MEGF8: variants seen among roughly 807,000 people sequenced by gnomAD.
The protein encoded by MEGF8 is multiple EGF like domains 8, also known as multiple epidermal growth factor-like domains protein 8.
In MEGF8, 156 loss-of-function variants were observed where a neutral mutation model predicts 302.9. The ratio of observed to expected loss-of-function variants is 0.52; its 90% CI spans 0.45 to 0.59. MEGF8 has a LOEUF of 0.59. Ranked by LOEUF, MEGF8 falls within the 20% of genes least tolerant of loss-of-function variation. The probability of loss-of-function intolerance (pLI) is 0.00; values close to 1 mark genes in which losing one functional copy is unlikely to be tolerated. For synonymous variants in MEGF8, 1,621 were observed against 1,660.5 expected (o/e 0.98, Z 0.58); for missense variants, 3,345 against 3,964.5 (o/e 0.84, Z 4.20).
At position 42,369,586 on chromosome 19, in the gene MEGF8, G is replaced by A; in HGVS notation, c.6697G>A (p.Val2233Met). Residue 2233 changes from valine (V) to methionine (M), a missense_variant, in exon 38 of 42, where the codon GTG becomes ATG. Physicochemically the swap from Val to Met is conservative, Grantham distance 21 (BLOSUM62 1). Transcript: ENST00000251268. The surrounding 1 kb of genome is among the most constrained non-coding windows in gnomAD (Gnocchi z 5.7). ...CAQGCVNGSC[V>M]EPDHCRCHFG... Reference sequence around the variant, plus strand: ...CCAGGGCTGCGTGAACGGCTCATGTGTGGAGCCCGACCACTGCCGCTGCCA... The same window carrying A: ...CCAGGGCTGCGTGAACGGCTCATGTATGGAGCCCGACCACTGCCGCTGCCA... 6.2e-7 allele frequency: 1 copy of A among 1,612,342 alleles called. No individual in the cohort carries two copies. Among genetic ancestry groups the A allele is most frequent in the Non-Finnish European group, 8.5e-7 (1 of 1,179,796 alleles).
At position 42,353,916 on chromosome 19, in the gene MEGF8, C is replaced by T. The variant is rs766685400; in HGVS notation, c.3903C>T (p.Tyr1301=). 1.0e-5 allele frequency: 16 copies of T among 1,591,580 alleles called. No homozygotes were observed. The highest frequency in any genetic ancestry group is 1.4e-5 in the Non-Finnish European group (16 of 1,169,262). ...CAAGAGCCGGGCCTGGCCTGTCCTA[C>T]TGTGTGTGGGTTGTCTCGGCCACTG... ...GAARAGPGLS[Y]CVWVVSATEE... The change falls in exon 22 of 42, where the codon TAC becomes TAT. Residue 1301 remains tyrosine, a synonymous_variant. Transcript: ENST00000251268. This position sits in a 1 kb window ranked among gnomAD's most constrained non-coding sequence, Gnocchi z 6.1.
In MEGF8 at chr19:42,326,034, C is replaced by A; in HGVS notation, c.-210C>A. Reference sequence around the variant, plus strand: ...TGACTCCATATACAGGGCCTTCCATCGCTCTATAGGGCTCAGCCCTCGGCT... The same window carrying A: ...TGACTCCATATACAGGGCCTTCCATAGCTCTATAGGGCTCAGCCCTCGGCT... On this transcript the variant is annotated 5_prime_UTR_variant, in exon 1 of 42. Coordinates refer to ENST00000251268, the MANE Select transcript of MEGF8 (RefSeq NM_001271938.2). 1.4e-6 allele frequency: 1 copy of A among 738,220 alleles called. No homozygotes were observed. Among genetic ancestry groups the A allele is most frequent in the Non-Finnish European group, 2.0e-6 (1 of 509,200 alleles). 45.7% of individuals were successfully genotyped at this position (738,220 alleles called of 1,614,324 possible). A position where few individuals can be genotyped will look rare whatever the true frequency, so the allele number is the denominator to read the frequency against.
rs749183655 is a variant in MEGF8 at position 42,375,907 on chromosome 19, G to A, written c.7670G>A (p.Gly2557Glu). Residue 2557 changes from glycine to glutamate, a missense_variant, in exon 42 of 42, where the codon GGG (glycine) becomes GAG (glutamate). Transcript: ENST00000251268. The surrounding 1 kb of genome is among the most constrained non-coding windows in gnomAD (Gnocchi z 7.1). ...GDPGGAGASS[G>E]PGAPAEPRVR... is the part of the protein sequence containing the mutation. The stretch of plus-strand genomic sequence containing the variant: ...CCAGGAGGAGCAGGGGCCAGCAGTG[G>A]GCCGGGCGCCCCAGCAGAGCCACGG... The A allele has an allele frequency of 5.0e-6, 8 of 1,600,084 alleles. No homozygotes were observed. Among genetic ancestry groups the A allele is most frequent in the Middle Eastern group, 1.7e-4 (1 of 6,002 alleles).
In MEGF8 at chr19:42,360,781, C is replaced by T; in HGVS notation, c.5495C>T (p.Ala1832Val). 1 of 1,584,580 alleles carries T rather than the reference C, an allele frequency of 6.3e-7. No individual in the cohort carries two copies. The highest frequency in any genetic ancestry group is 1.3e-5 in the African/African-American group (1 of 74,486). ...AWLLPDLTRS[A>V]SVGPPMEESV... is the part of the protein sequence containing the mutation. The stretch of plus-strand genomic sequence containing the variant: ...ATACACCATCTTTCCTCAGGCTCGG[C>T]CTCTGTGGGGCCCCCAATGGAGGAG... Residue 1832 changes from alanine to valine, a missense_variant, in exon 32 of 42, where the codon GCC (alanine) becomes GTC (valine). By Grantham distance (64) the Ala-to-Val change is moderately conservative. Transcript: ENST00000251268.
chr19:42,376,417 G>A lies in MEGF8; in HGVS notation c.8180G>A (p.Arg2727His), dbSNP rs759523264. The A allele has an allele frequency of 1.4e-5, 23 of 1,612,350 alleles. No individual in the cohort carries two copies. Among genetic ancestry groups the A allele is most frequent in the African/African-American group, 2.7e-5 (2 of 74,908 alleles). The part of the protein sequence containing the change: ...PAGLPPPAFR[R>H]SEPFLAPLLL... ...GGGCTCCCACCTCCCGCCTTCCGCC[G>A]CTCTGAGCCCTTCCTGGCACCCCTG... The change falls in exon 42 of 42, where the codon CGC becomes CAC. Residue 2727 changes from arginine (R) to histidine (H), a missense_variant. Arg to His is a conservative substitution (Grantham distance 29). Coordinates refer to ENST00000251268, the MANE Select transcript of MEGF8 (RefSeq NM_001271938.2). The surrounding 1 kb of genome is among the most constrained non-coding windows in gnomAD (Gnocchi z 8.2).
rs752612030 is a variant in MEGF8 at position 42,358,991 on chromosome 19, TA to T, written c.5343+38del. 3.0e-5 allele frequency: 47 copies of T among 1,588,346 alleles called. No homozygotes were observed. The highest frequency in any genetic ancestry group is 3.9e-5 in the Non-Finnish European group (45 of 1,168,314). The stretch of plus-strand genomic sequence containing the variant: ...AGAGGGTTAGGATTGGGTGGGCTGG[TA>T]GGGGGGGATAGGTAGGGAAGTACAG... On this transcript the variant is annotated intron_variant, in intron 30 of 41. Coordinates refer to ENST00000251268, the MANE Select transcript of MEGF8 (RefSeq NM_001271938.2). The surrounding 1 kb of genome is among the most constrained non-coding windows in gnomAD (Gnocchi z 4.4).
At chr19:42,366,270 G>A (rs1303938093) in intron 35 of MEGF8, among the ~76,000 whole-genome samples, 6 of 151,914 alleles carry the variant, frequency 3.9e-5, no homozygotes, top group East Asian at 1.9e-4. Flanking sequence ...GCATGATCTC[G>A]GCTCACTGCA....
rs1359429535 is a variant in MEGF8, at chr19:42,348,342, G to A, written c.2168G>A (p.Arg723His). ...SAETDVSLVY[R>H]GFIYPMLPGG... ...GAGACAGATGTGTCCCTGGTCTACCGTGGCTTCATCTACCCAATGCTGCCT... is the reference window on the plus strand; with the variant it reads ...GAGACAGATGTGTCCCTGGTCTACCATGGCTTCATCTACCCAATGCTGCCT... The change falls in exon 13 of 42, where the codon CGT becomes CAT. Residue 723 changes from arginine to histidine, a missense_variant. Arg to His is a conservative substitution (Grantham distance 29). Coordinates refer to ENST00000251268, the MANE Select transcript of MEGF8 (RefSeq NM_001271938.2). 3 of 1,537,390 alleles carry A rather than the reference G, an allele frequency of 2.0e-6. No homozygotes were observed. The highest frequency in any genetic ancestry group is 2.0e-5 in the Admixed American group (1 of 50,988).
At chr19:42,347,166 C>G (rs1053296895) in intron 12 of MEGF8, among the ~76,000 whole-genome samples, 1 of 151,996 alleles carries the variant, frequency 6.6e-6, no homozygotes, top group Non-Finnish European at 1.5e-5. Flanking sequence ...TGATCTTATT[C>G]CAGAATTTAC....
At chr19:42,346,984 CAAAAAA>C (rs767117534) in intron 12 of MEGF8, among the ~76,000 whole-genome samples, 1 of 49,818 alleles carries the variant, frequency 2.0e-5, no homozygotes, top group Non-Finnish European at 4.2e-5. Context: ...GACTCTGTCT[CAAAAAA>C]AAAAAAAAAA....
rs779934071 is a variant in MEGF8 at position 42,375,616 on chromosome 19, A to G, written c.7379A>G (p.Asn2460Ser). The G allele has an allele frequency of 1.9e-6, 3 of 1,606,934 alleles. No homozygotes were observed. Among genetic ancestry groups the G allele is most frequent in the Non-Finnish European group, 1.7e-6 (2 of 1,177,468 alleles). Residue 2460 changes from asparagine to serine, a missense_variant, in exon 42 of 42, where the codon AAC becomes AGC. Coordinates refer to ENST00000251268, the MANE Select transcript of MEGF8 (RefSeq NM_001271938.2). The surrounding 1 kb of genome is among the most constrained non-coding windows in gnomAD (Gnocchi z 7.1). ...TGCCTGGACCCCACGTCCCAGACCA[A>G]CTGCTTCCATGAGCCCAAACGCCGG... ...ECCLDPTSQT[N>S]CFHEPKRRAL...
intron 12 of MEGF8, among the ~76,000 whole-genome samples, chr19:42,345,474 A>G (rs1366343356): frequency 6.6e-6 from 1 of 152,174 alleles, no homozygotes; most frequent in Non-Finnish European, 1.5e-5. Context: ...CCTGGCAGCT[A>G]CTAATCTGTT....
At chr19:42,340,141 C>G (rs2039191741) in intron 8 of MEGF8, among the ~76,000 whole-genome samples, 1 of 152,156 alleles carries the variant, frequency 6.6e-6, no homozygotes, top group African/African-American at 2.4e-5. Context: ...ACACGTAATG[C>G]CATTGGATAG....
Position 42,356,712 on chromosome 19 carries a change from G to C in MEGF8, c.4623-62G>C, listed in dbSNP as rs182507342. The stretch of plus-strand genomic sequence containing the variant: ...GGATGCGGGGACATCTGTCAGGCAG[G>C]GTCACCTTGAAGGATGCTGGGATGA... On this transcript the variant is annotated intron_variant, in intron 26 of 41. Transcript: ENST00000251268. The surrounding 1 kb of genome is among the most constrained non-coding windows in gnomAD (Gnocchi z 5.2). 6.8e-7 allele frequency: 1 copy of C among 1,474,306 alleles called. No homozygotes were observed. Among genetic ancestry groups the C allele is most frequent in the Non-Finnish European group, 9.1e-7 (1 of 1,097,130 alleles). The allele number at this position is 1,474,306 out of a possible 1,614,324, so 91.3% of individuals were successfully genotyped here. A position where few individuals can be genotyped will look rare whatever the true frequency, so the allele number is the denominator to read the frequency against.
In MEGF8 at chr19:42,369,918, G is replaced by A. The variant is rs1038189220; in HGVS notation, c.6834+195G>A. 6.6e-6 allele frequency among the ~76,000 whole-genome samples: 1 copy of A among 152,220 alleles called. No individual in the cohort carries two copies. Among genetic ancestry groups the A allele is most frequent in the African/African-American group, 2.4e-5 (1 of 41,450 alleles). On this transcript the variant is annotated intron_variant, in intron 38 of 41. Coordinates refer to ENST00000251268, the MANE Select transcript of MEGF8 (RefSeq NM_001271938.2). This position sits in a 1 kb window ranked among gnomAD's most constrained non-coding sequence, Gnocchi z 5.7. ...GTTTGGATCCCAGAGGGTCTGCCCT[G>A]GAATAGTGGACGGAGTGGGTGCTGC...
chr19:42,369,518 T>G lies in MEGF8; in HGVS notation c.6642-13T>G, dbSNP rs1226176237. On this transcript the variant is annotated splice_polypyrimidine_tract_variant and intron_variant, in intron 37 of 41. Coordinates refer to ENST00000251268, the MANE Select transcript of MEGF8 (RefSeq NM_001271938.2). The surrounding 1 kb of genome is among the most constrained non-coding windows in gnomAD (Gnocchi z 5.7). ...GGTGGCCACCTGCCCTGACCCCCAC[T>G]TTGCCCCTGCAGCATGACAGGGCTG... The G allele has an allele frequency of 3.1e-6, 5 of 1,599,100 alleles. No homozygotes were observed. The highest frequency in any genetic ancestry group is 4.3e-6 in the Non-Finnish European group (5 of 1,174,702).
Position 42,336,101 on chromosome 19 carries a change from C to A in MEGF8, c.999C>A (p.Gly333=). Residue 333 remains glycine, a synonymous_variant, in exon 6 of 42, where the codon GGC becomes GGA. Transcript: ENST00000251268. The surrounding 1 kb of genome is among the most constrained non-coding windows in gnomAD (Gnocchi z 4.8). ...PPASSSSGPP[G]LAGHAAALVD... Reference sequence around the variant, plus strand: ...CCTCCAGCTCCTCGGGGCCCCCAGGCCTGGCAGGTCACGCGGCTGCCCTGG... The same window carrying A: ...CCTCCAGCTCCTCGGGGCCCCCAGGACTGGCAGGTCACGCGGCTGCCCTGG... The A allele has an allele frequency of 1.2e-6, 2 of 1,604,876 alleles. No homozygotes were observed. The highest frequency in any genetic ancestry group is 1.7e-6 in the Non-Finnish European group (2 of 1,178,118).
At position 42,362,159 on chromosome 19, in the gene MEGF8, C is replaced by T; in HGVS notation, c.5790C>T (p.Thr1930=). 1 of 1,611,582 alleles carries T rather than the reference C, an allele frequency of 6.2e-7. No homozygotes were observed. The highest frequency in any genetic ancestry group is 1.7e-5 in the Admixed American group (1 of 59,672). ...CGGAGGAATGTCGACGTCTCCGGACCTGCAGTGAGTGCCTGGCCCGCCATC... is the reference window on the plus strand; with the variant it reads ...CGGAGGAATGTCGACGTCTCCGGACTTGCAGTGAGTGCCTGGCCCGCCATC... ...RSPEECRRLR[T]CSECLARHPR... The change falls in exon 33 of 42, where the codon ACC becomes ACT. Residue 1930 remains threonine, a synonymous_variant. Transcript: ENST00000251268.
chr19:42,375,541 C>T lies in MEGF8; in HGVS notation c.7304C>T (p.Pro2435Leu), dbSNP rs769146702. Residue 2435 changes from proline (P) to leucine (L), a missense_variant, in exon 42 of 42, where the codon CCG (proline) becomes CTG (leucine). Pro to Leu is a moderately conservative substitution (Grantham distance 98). Coordinates refer to ENST00000251268, the MANE Select transcript of MEGF8 (RefSeq NM_001271938.2). The surrounding 1 kb of genome is among the most constrained non-coding windows in gnomAD (Gnocchi z 7.1). Reference sequence around the variant, plus strand: ...TGCCGGGAATCATTTCACGGGAGTCCGCTGGGCGGCCAGCAGTGCTACCGC... The same window carrying T: ...TGCCGGGAATCATTTCACGGGAGTCTGCTGGGCGGCCAGCAGTGCTACCGC... ...AKCRESFHGSPLGGQQCYRLI... is the reference protein window; with the variant it reads ...AKCRESFHGSLLGGQQCYRLI... 6.9e-6 allele frequency: 11 copies of T among 1,591,222 alleles called. No homozygotes were observed. The highest frequency in any genetic ancestry group is 1.8e-5 in the Admixed American group (1 of 56,598).
Sources: allele counts gnomAD v4.1 joint callset (sites outside exome capture counted in the v4.1 genomes callset), GRCh38; gene constraint gnomAD v4.1.1; non-coding constraint Gnocchi (gnomAD v3.1); transcripts MANE v1.5; gene names NCBI Gene and HGNC (gene_info 2026-07-23, HGNC 2026-07-21).